Variants in NFATC1 observed in about 807,000 individuals in gnomAD.
NFATC1 encodes the protein nuclear factor of activated T-cells, cytoplasmic 1.
Under a neutral mutation model 76.0 loss-of-function variants are expected in NFATC1, and 22 were observed. The observed-to-expected ratio is 0.29, with a 90% confidence interval of 0.21 to 0.41. The LOEUF is 0.41. NFATC1 is among the 10% of genes least tolerant of loss of function. The pLI, the probability that NFATC1 is intolerant of heterozygous loss-of-function variation, is 1.00. For missense variants in NFATC1, 1,357 were observed against 1,337.7 expected (o/e 1.01, Z -0.23); for synonymous variants, 704 against 613.1 (o/e 1.15, Z -2.19).
At position 79,411,325 on chromosome 18, in the gene NFATC1, G is replaced by A. The variant is rs1295968309; in HGVS notation, c.1050G>A (p.Val350=). The change falls in exon 2 of 10, where the codon GTG becomes GTA. Residue 350 remains valine (V), a synonymous_variant. Coordinates refer to ENST00000427363, the MANE Select transcript of NFATC1 (RefSeq NM_001278669.2). ...AGCCGCCCTCAGTGGCGCTCAAGGT[G>A]GAGCCCGTCGGGGAGGACCTGGGCA... ...LEQPPSVALK[V]EPVGEDLGSP... is the part of the protein sequence containing the mutation. 50 of 1,600,648 alleles carry A rather than the reference G, an allele frequency of 3.1e-5. No homozygotes were observed. In the East Asian group the frequency reaches 1.1e-3, roughly 36 times the overall value.
intron 4 of NFATC1, among the ~76,000 whole-genome samples, chr18:79,450,044 C>A (rs2087394019): frequency 6.6e-6 from 1 of 152,170 alleles, no homozygotes; most frequent in Non-Finnish European, 1.5e-5. Flanking sequence ...CAGGTGCGTT[C>A]CACAGCCGTA....
rs1051173000 is a variant in NFATC1, at chr18:79,473,735, T to A, written c.2092+6153T>A. Among the ~76,000 whole-genome samples the A allele has an allele frequency of 1.5e-3, 226 of 146,828 alleles. 3 individuals are homozygous for A. The highest frequency in any genetic ancestry group is 5.5e-3 in the African/African-American group (214 of 39,016). On this transcript the variant is annotated intron_variant, in intron 8 of 9. Transcript: ENST00000427363. ...TTGCAAGGGAAGCGTGTTCTCACAC[T>A]CACTGTCGACGTTGTGAGGGAAGTG...
chr18:79,407,195 C>T (rs969838683), intron 1 of NFATC1, among the ~76,000 whole-genome samples: 6 of 152,174 alleles, frequency 3.9e-5, no homozygotes, highest in Admixed American at 1.3e-4. Flanking sequence ...GAAGTTTTAG[C>T]GTTGGGGCCT....
intron 8 of NFATC1, among the ~76,000 whole-genome samples, chr18:79,474,885 C>T (rs1314848879): frequency 8.3e-5 from 12 of 144,514 alleles, no homozygotes; most frequent in African/African-American, 2.3e-4. Context: ...CGCTCACTGT[C>T]GACGTTGTAA....
chr18:79,437,101 C>T (rs563898431), intron 3 of NFATC1, among the ~76,000 whole-genome samples: 5 of 152,326 alleles, frequency 3.3e-5, no homozygotes, highest in African/African-American at 9.6e-5. Context: ...TCAGGATGGC[C>T]GGCAGCCCCT....
Position 79,529,228 on chromosome 18 carries a change from CAG to C in NFATC1, c.*1652_*1653del, listed in dbSNP as rs1427450827. On this transcript the variant is annotated 3_prime_UTR_variant, in exon 10 of 10. Coordinates refer to ENST00000427363, the MANE Select transcript of NFATC1 (RefSeq NM_001278669.2). ...TGTAGGAGTCACGTGCAGCCTTTCT[CAG>C]GGGACTGTCATTGAAAAGGAAACGT... 1.3e-5 allele frequency: 2 copies of C among 152,264 alleles called. No homozygotes were observed. The highest frequency in any genetic ancestry group is 1.5e-5 in the Non-Finnish European group (1 of 68,050). 9.4% of individuals were successfully genotyped at this position (152,264 alleles called of 1,614,324 possible).
chr18:79,414,645 A>G (rs1173661906), intron 2 of NFATC1, among the ~76,000 whole-genome samples: 3 of 152,196 alleles, frequency 2.0e-5, no homozygotes, highest in Non-Finnish European at 4.4e-5. Flanking sequence ...CAGCGGAATG[A>G]TGTGTCTATT....
At chr18:79,512,591 G>A (rs993818367) in intron 9 of NFATC1, among the ~76,000 whole-genome samples, 2 of 152,188 alleles carry the variant, frequency 1.3e-5, no homozygotes, top group African/African-American at 2.4e-5. Flanking sequence ...CAGTCGGCGG[G>A]CCCCTTGTGC....
intron 8 of NFATC1, among the ~76,000 whole-genome samples, chr18:79,479,865 T>C (rs1054350655): frequency 6.6e-6 from 1 of 152,098 alleles, no homozygotes; most frequent in African/African-American, 2.4e-5. Flanking sequence ...CCGGTCCCGG[T>C]GGGAGGCAGC....
intron 9 of NFATC1, among the ~76,000 whole-genome samples, chr18:79,500,543 G>GA (rs1395806774): frequency 4.0e-5 from 6 of 151,718 alleles, no homozygotes; most frequent in Non-Finnish European, 8.8e-5. Flanking sequence ...AGGATGAGAA[G>GA]AAAAAGCAAT....
chr18:79,443,973 C>T (rs140784040), intron 3 of NFATC1, among the ~76,000 whole-genome samples: 3 of 152,254 alleles, frequency 2.0e-5, no homozygotes, highest in African/African-American at 7.2e-5. Flanking sequence ...AGGGCCTGGC[C>T]CTGCTCCTGC....
rs113562347 is a variant in NFATC1 at position 79,519,955 on chromosome 18, G to T, written c.2783-7573G>T. 4.7e-3 allele frequency among the ~76,000 whole-genome samples: 718 copies of T among 152,304 alleles called. 7 individuals are homozygous for T. The highest frequency in any genetic ancestry group is 0.016 in the African/African-American group (669 of 41,564). On this transcript the variant is annotated intron_variant, in intron 9 of 9. Transcript: ENST00000427363. ...ACAGTTGGTGATAAAGTCCTGGACG[G>T]GCGAGATAAGTGGCATTGGCAGAGC...
At chr18:79,489,510 G>A (rs544165406) in intron 9 of NFATC1, among the ~76,000 whole-genome samples, 4 of 152,320 alleles carry the variant, frequency 2.6e-5, no homozygotes, top group Non-Finnish European at 4.4e-5. Context: ...TTTGTTTCCC[G>A]GCGTGCTGCC....
At chr18:79,412,247 G>A (rs1320969815) in intron 2 of NFATC1, among the ~76,000 whole-genome samples, 1 of 152,206 alleles carries the variant, frequency 6.6e-6, no homozygotes, top group Non-Finnish European at 1.5e-5. Flanking sequence ...CCCAGCTGGT[G>A]GGCTGTGAGT....
At chr18:79,408,149 C>G (rs1409023049) in intron 1 of NFATC1, among the ~76,000 whole-genome samples, 2 of 152,240 alleles carry the variant, frequency 1.3e-5, no homozygotes, top group Non-Finnish European at 2.9e-5. Flanking sequence ...TTAGTAAATA[C>G]AGTGGGTTTG....
At position 79,486,770 on chromosome 18, in the gene NFATC1, C is replaced by A; in HGVS notation, c.2615C>A (p.Thr872Lys). 1 of 1,606,974 alleles carries A rather than the reference C, an allele frequency of 6.2e-7. No individual in the cohort carries two copies. Among genetic ancestry groups the A allele is most frequent in the East Asian group, 2.2e-5 (1 of 44,720 alleles). Residue 872 changes from threonine (T) to lysine (K), a missense_variant, in exon 9 of 10, where the codon ACG (threonine) becomes AAG (lysine). By Grantham distance (78) the Thr-to-Lys change is moderately conservative. Coordinates refer to ENST00000427363, the MANE Select transcript of NFATC1 (RefSeq NM_001278669.2). ...TGCAGCCCAGCGTGCCCGCCCGCCA[C>A]GGGCCGCCCGCAGCACCTGCCGTCC... ...QPCSPACPPATGRPQHLPSTV... is the reference protein window; with the variant it reads ...QPCSPACPPAKGRPQHLPSTV...
intron 8 of NFATC1, among the ~76,000 whole-genome samples, chr18:79,482,406 TTCCTGGGGTGTCATTCCAGCGTGACCTGG>T (rs1392323254): frequency 6.0e-5 from 8 of 133,282 alleles, no homozygotes; most frequent in East Asian, 2.5e-4. Flanking sequence ...CATGACCTGG[TTCCTGGGGTGTCATTCCAGCGTGACCTGG>T]TCCTGGGGTG....
At chr18:79,424,691 GTC>G (rs1415133002) in intron 2 of NFATC1, among the ~76,000 whole-genome samples, 1 of 144,174 alleles carries the variant, frequency 6.9e-6, no homozygotes, top group Non-Finnish European at 1.5e-5. Flanking sequence ...CCCTGTCTCT[GTC>G]TCTCTGTGTT....
At chr18:79,403,273 C>T (rs1216627772) in intron 1 of NFATC1, among the ~76,000 whole-genome samples, 3 of 152,248 alleles carry the variant, frequency 2.0e-5, no homozygotes, top group East Asian at 1.9e-4. Flanking sequence ...TTCTTTATTT[C>T]GAAAGTGCTC....
Sources: gnomAD v4.1 joint callset for allele counts (sites outside exome capture counted in the v4.1 genomes callset) on GRCh38, gnomAD v4.1.1 for gene constraint, MANE v1.5 for transcripts, NCBI Gene and HGNC (gene_info 2026-07-23, HGNC 2026-07-21) for gene names.